Variants in MARCHF8 observed in about 807,000 individuals in gnomAD.
MARCHF8 encodes E3 ubiquitin-protein ligase MARCHF8.
In MARCHF8, 40 loss-of-function variants were observed where a neutral mutation model predicts 51.6. The ratio of observed to expected loss-of-function variants is 0.77; its 90% CI spans 0.60 to 1.01. The LOEUF (loss-of-function observed/expected upper bound fraction) is 1.01. Ranked by LOEUF, MARCHF8 falls within the 50% of genes least tolerant of loss-of-function variation. The probability of loss-of-function intolerance (pLI) is 0.00; values close to 1 mark genes in which losing one functional copy is unlikely to be tolerated. For missense variants in MARCHF8, 685 were observed against 708.6 expected (o/e 0.97, Z 0.38); for synonymous variants, 263 against 280.3 (o/e 0.94, Z 0.62).
intron 1 of MARCHF8, among the ~76,000 whole-genome samples, chr10:45,588,761 G>A (rs958499428): frequency 6.6e-6 from 1 of 152,100 alleles, no homozygotes; most frequent in Non-Finnish European, 1.5e-5. Flanking sequence ...CACTTTGGGA[G>A]GCCAAGGTGG....
At chr10:45,554,134 C>A (rs1023035572) in intron 1 of MARCHF8, among the ~76,000 whole-genome samples, 1 of 152,206 alleles carries the variant, frequency 6.6e-6, no homozygotes, top group South Asian at 2.1e-4. Flanking sequence ...AGGAATCTAT[C>A]CTAAAAATGA....
chr10:45,573,288 A>C (rs1487785469), intron 1 of MARCHF8, among the ~76,000 whole-genome samples: 1 of 152,178 alleles, frequency 6.6e-6, no homozygotes, highest in East Asian at 1.9e-4. Context: ...ACCCCACAAC[A>C]GGACTTAATT....
At chr10:45,544,529 T>C (rs2044096922) in intron 1 of MARCHF8, among the ~76,000 whole-genome samples, 2 of 152,196 alleles carry the variant, frequency 1.3e-5, no homozygotes, top group South Asian at 4.1e-4. Flanking sequence ...TGAAATTCTA[T>C]TCAGCAATTA....
At chr10:45,475,058 G>C (rs1266244735) in intron 3 of MARCHF8, among the ~76,000 whole-genome samples, 1 of 152,134 alleles carries the variant, frequency 6.6e-6, no homozygotes, top group Non-Finnish European at 1.5e-5. Flanking sequence ...TCCTGCTGGG[G>C]GCCCAACAGT....
intron 2 of MARCHF8, among the ~76,000 whole-genome samples, chr10:45,531,550 A>G (rs1486396562): frequency 2.6e-5 from 4 of 152,204 alleles, no homozygotes; most frequent in Non-Finnish European, 4.4e-5. Flanking sequence ...AAAGTATACT[A>G]TTGTAAGGTT....
intron 1 of MARCHF8, 24 bp from the exon 2 acceptor site, chr10:45,533,313 A>G (rs112728054): frequency 7.2e-7 from 1 of 1,386,400 alleles, no homozygotes; most frequent in African/African-American, 1.4e-5. Context: ...AAGAGAGAAT[A>G]AACATAACTC....
intron 2 of MARCHF8, among the ~76,000 whole-genome samples, chr10:45,513,863 A>C (rs1226793733): frequency 5.3e-5 from 8 of 152,238 alleles, no homozygotes; most frequent in Admixed American, 5.2e-4. Flanking sequence ...AGATCTTCCC[A>C]GAATGAATGC....
chr10:45,565,628 T>G (rs866095521), intron 1 of MARCHF8, among the ~76,000 whole-genome samples: 6 of 150,708 alleles, frequency 4.0e-5, no homozygotes, highest in African/African-American at 1.5e-4. Context: ...CAATTAGCCC[T>G]AAAGTAGAAA....
At chr10:45,535,186 G>A (rs567276401) in intron 1 of MARCHF8, 25 bp downstream of exon 1, 1 of 152,196 alleles carries the variant, frequency 6.6e-6, no homozygotes, top group Non-Finnish European at 1.5e-5. Context: ...ATTCAAGCAC[G>A]TCACACAAAA....
upstream of MARCHF8, among the ~76,000 whole-genome samples, chr10:45,536,248 C>T (rs150735563): frequency 3.2e-4 from 48 of 152,144 alleles, no homozygotes; most frequent in East Asian, 6.6e-3. Context: ...AATAAACCCA[C>T]GTATCTATAG....
At chr10:45,537,116 A>G (rs1178634626), upstream of MARCHF8, among the ~76,000 whole-genome samples, 4 of 152,094 alleles carry the variant, frequency 2.6e-5, no homozygotes, top group Non-Finnish European at 4.4e-5. Flanking sequence ...ATATGACCCA[A>G]CAACTTCAAT....
chr10:45,482,180 GA>G (rs1427329930), intron 3 of MARCHF8, among the ~76,000 whole-genome samples: 2 of 152,178 alleles, frequency 1.3e-5, no homozygotes, highest in Non-Finnish European at 1.5e-5. Context: ...CGAACAAATT[GA>G]AAGATATCCC....
intron 2 of MARCHF8, among the ~76,000 whole-genome samples, chr10:45,492,933 C>A (rs1298146447): frequency 6.6e-6 from 1 of 152,216 alleles, no homozygotes; most frequent in Non-Finnish European, 1.5e-5. Context: ...AATTCAAAAT[C>A]TGAAAGGTGA....
intron 1 of MARCHF8, among the ~76,000 whole-genome samples, chr10:45,560,268 C>G (rs1483910434): frequency 6.6e-6 from 1 of 152,172 alleles, no homozygotes; most frequent in African/African-American, 2.4e-5. Context: ...CGATGCAAAC[C>G]TTCTTGGAAG....
chr10:45,567,985 T>C lies in MARCHF8; in HGVS notation c.-79+26250A>G, dbSNP rs577337552. ...CATCAGTGTTTTATAGTTTTCATTA[T>C]AGAGACCTTTCATTTATTTGGGTAA... On this transcript the variant is annotated intron_variant, in intron 1 of 6. Coordinates refer to the MARCHF8 transcript ENST00000319836. 1.2e-4 allele frequency among the ~76,000 whole-genome samples: 19 copies of C among 152,324 alleles called. No homozygotes were observed. In the South Asian group the frequency reaches 3.3e-3, roughly 27 times the overall value.
chr10:45,585,051 A>C (rs2044603716), intron 1 of MARCHF8, among the ~76,000 whole-genome samples: 2 of 152,188 alleles, frequency 1.3e-5, no homozygotes, highest in Admixed American at 1.3e-4. Flanking sequence ...TCAGCCTCCT[A>C]AGACCCAGAG....
At chr10:45,567,473 C>T (rs879356280) in intron 1 of MARCHF8, among the ~76,000 whole-genome samples, 2 of 152,148 alleles carry the variant, frequency 1.3e-5, no homozygotes, top group African/African-American at 2.4e-5. Flanking sequence ...AGATAGGGGT[C>T]TAGTTTAATT....
chr10:45,459,719 T>A (rs1266319673), intron 6 of MARCHF8: 1 of 985,158 alleles, frequency 1.0e-6, no homozygotes, highest in East Asian at 1.1e-4. Flanking sequence ...ATTGTGAAGG[T>A]GAATGGCAGA....
chr10:45,463,189 G>C lies in MARCHF8; in HGVS notation c.1050C>G (p.Pro350=). The change falls in exon 5 of 8, where the codon CCC becomes CCG. Residue 350 remains proline, a synonymous_variant. Coordinates refer to ENST00000453424, the MANE Select transcript of MARCHF8 (RefSeq NM_001282866.2). ...CTGACGTGGACACGGGAGATATGGGGGGTAATTTTTCAGAGAAGGGAGAAG... is the reference window on the plus strand; with the variant it reads ...CTGACGTGGACACGGGAGATATGGGCGGTAATTTTTCAGAGAAGGGAGAAG... The part of the protein sequence containing the change: ...DCPSPFSEKL[P]PISPVSTSGD... 1.9e-6 allele frequency: 3 copies of C among 1,550,576 alleles called. No individual in the cohort carries two copies. Among genetic ancestry groups the C allele is most frequent in the South Asian group, 2.4e-5 (2 of 84,060 alleles).
Sources: gnomAD v4.1 joint callset for allele counts (sites outside exome capture counted in the v4.1 genomes callset) on GRCh38, gnomAD v4.1.1 for gene constraint, MANE v1.5 for transcripts, NCBI Gene and HGNC (gene_info 2026-07-23, HGNC 2026-07-21) for gene names.